Variants in STX7 observed in about 807,000 individuals in gnomAD.
STX7 encodes the protein syntaxin 7, also known as syntaxin-7.
STX7 carries 34 observed loss-of-function variants against 39.6 expected under a neutral mutation model. That is an observed-to-expected ratio of 0.86 (90% CI 0.65 to 1.14). The LOEUF is 1.14. STX7 is among the 50% of genes most tolerant of loss of function. STX7 has a pLI of 0.00. For synonymous variants in STX7, 119 were observed against 99.1 expected (o/e 1.20, Z -1.19); for missense variants, 284 against 310.4 (o/e 0.92, Z 0.64).
At chr6:132,467,514 A>T (rs1357298081) in intron 8 of STX7, among the ~76,000 whole-genome samples, 4 of 152,112 alleles carry the variant, frequency 2.6e-5, no homozygotes, top group African/African-American at 9.7e-5. Flanking sequence ...CTCCCATTAT[A>T]AGATCAATTG....
intron 2 of STX7, among the ~76,000 whole-genome samples, chr6:132,494,193 T>C (rs1250511237): frequency 6.6e-6 from 1 of 152,042 alleles, no homozygotes; most frequent in East Asian, 1.9e-4. Flanking sequence ...AATCATTTAA[T>C]GGCATAACCA....
chr6:132,511,577 A>G (rs1469895731), intron 1 of STX7, among the ~76,000 whole-genome samples: 1 of 152,236 alleles, frequency 6.6e-6, no homozygotes, highest in Non-Finnish European at 1.5e-5. Flanking sequence ...CATCCTGTGT[A>G]ATCTACAGTG....
chr6:132,488,250 T>C (rs1399003807), intron 2 of STX7, among the ~76,000 whole-genome samples: 4 of 152,240 alleles, frequency 2.6e-5, no homozygotes, highest in African/African-American at 9.6e-5. Flanking sequence ...GAATATTATC[T>C]TGTATGACTT....
rs148969421 is a variant in STX7, at chr6:132,491,936, C to T, written c.85+11510G>A. Among the ~76,000 whole-genome samples, 592 of 152,274 alleles carry T rather than the reference C, an allele frequency of 3.9e-3. 3 individuals carry two copies. Among genetic ancestry groups the T allele is most frequent in the African/African-American group, 0.013 (548 of 41,544 alleles). On this transcript the variant is annotated intron_variant, in intron 2 of 9. Transcript: ENST00000367941. ...GAGTCAGTCCATATCCAGACTCTTG[C>T]ATATATCTTAAGCCCCTCTCTCCCT...
chr6:132,495,644 C>T (rs1202186350), intron 2 of STX7, among the ~76,000 whole-genome samples: 1 of 150,990 alleles, frequency 6.6e-6, no homozygotes, highest in African/African-American at 2.4e-5. Context: ...TTTGCCCTGG[C>T]ACCAAAAAAA....
chr6:132,463,137 G>A (rs1774458865), intron 9 of STX7, among the ~76,000 whole-genome samples: 1 of 152,028 alleles, frequency 6.6e-6, no homozygotes, highest in Non-Finnish European at 1.5e-5. Context: ...TCAGCCAGGA[G>A]GCAGAGGTTG....
chr6:132,497,401 C>T (rs2842889), intron 2 of STX7, among the ~76,000 whole-genome samples: 122,697 of 152,126 alleles, frequency 0.81, 49,736 homozygotes, highest in Middle Eastern at 0.93. Context: ...TGGTTATCTC[C>T]GAAGGGCATG....
intron 4 of STX7, 143 bp from the exon 5 acceptor site, chr6:132,471,743 C>T: frequency 1.1e-6 from 1 of 919,172 alleles, no homozygotes; most frequent in Non-Finnish European, 1.6e-6. Context: ...CAGTAACATT[C>T]TGATAGTATG....
intron 2 of STX7, among the ~76,000 whole-genome samples, chr6:132,479,931 A>G (rs1398202768): frequency 6.6e-6 from 1 of 152,198 alleles, no homozygotes; most frequent in Non-Finnish European, 1.5e-5. Flanking sequence ...AAAGTAAACT[A>G]GTGATGTGCC....
intron 1 of STX7, among the ~76,000 whole-genome samples, chr6:132,508,890 A>G (rs1775771834): frequency 6.6e-6 from 1 of 152,152 alleles, no homozygotes; most frequent in East Asian, 1.9e-4. Flanking sequence ...AAAGTTAACA[A>G]TGGCCAACAC....
At chr6:132,488,407 T>C (rs1468718376) in intron 2 of STX7, among the ~76,000 whole-genome samples, 1 of 152,236 alleles carries the variant, frequency 6.6e-6, no homozygotes, top group Non-Finnish European at 1.5e-5. Flanking sequence ...TCAAGGTGAT[T>C]AGTACTTTGA....
At chr6:132,476,501 A>G (rs1774878525) in intron 2 of STX7, among the ~76,000 whole-genome samples, 1 of 152,154 alleles carries the variant, frequency 6.6e-6, no homozygotes, top group Non-Finnish European at 1.5e-5. Context: ...TAAGGAATTA[A>G]AATACCCAAA....
rs74647435 is a variant in STX7 at position 132,498,088 on chromosome 6, G to T, written c.85+5358C>A. Among the ~76,000 whole-genome samples the T allele has an allele frequency of 2.0e-5, 3 of 152,136 alleles. No homozygotes were observed. The East Asian group carries it at 5.8e-4, about 29-fold the overall frequency. On this transcript the variant is annotated intron_variant, in intron 2 of 9. Transcript: ENST00000367941. ...TGCCATGGGTAAAAGATGGAGCATG[G>T]GTGGCACAAGGGCCTTGTTGACTGT...
intron 2 of STX7, among the ~76,000 whole-genome samples, chr6:132,493,399 ATGT>A (rs1342536186): frequency 6.6e-6 from 1 of 152,120 alleles, no homozygotes; most frequent in Non-Finnish European, 1.5e-5. Flanking sequence ...CAACTCCCAC[ATGT>A]TGTGAGAGGG....
At chr6:132,504,096 T>C (rs1451116612) in intron 1 of STX7, among the ~76,000 whole-genome samples, 1 of 152,202 alleles carries the variant, frequency 6.6e-6, no homozygotes, top group Non-Finnish European at 1.5e-5. Context: ...GTTTTTACCA[T>C]TACTTTTAAT....
At chr6:132,500,528 G>C (rs1775532558) in intron 2 of STX7, among the ~76,000 whole-genome samples, 1 of 152,136 alleles carries the variant, frequency 6.6e-6, no homozygotes, top group South Asian at 2.1e-4. Context: ...AGTAAAGGTA[G>C]CTTCCCCAGT....
At chr6:132,509,449 C>T (rs9402419) in intron 1 of STX7, among the ~76,000 whole-genome samples, 1,648 of 31,360 alleles carry the variant, frequency 0.053, 28 homozygotes, top group Admixed American at 0.14. Flanking sequence ...AGACTCGTCT[C>T]AAAATAACAT....
intron 2 of STX7, among the ~76,000 whole-genome samples, chr6:132,499,224 C>A (rs1018904749): frequency 1.3e-5 from 2 of 152,196 alleles, no homozygotes; most frequent in African/African-American, 4.8e-5. Flanking sequence ...TTTCTTTGAT[C>A]CTCTTTCTAC....
At chr6:132,492,590 G>A (rs569453299) in intron 2 of STX7, among the ~76,000 whole-genome samples, 1 of 152,190 alleles carries the variant, frequency 6.6e-6, no homozygotes, top group South Asian at 2.1e-4. Context: ...ACAATATACA[G>A]CATGATCCAA....
Sources: gnomAD v4.1 joint callset for allele counts (sites outside exome capture counted in the v4.1 genomes callset) on GRCh38, gnomAD v4.1.1 for gene constraint, MANE v1.5 for transcripts, NCBI Gene and HGNC (gene_info 2026-07-23, HGNC 2026-07-21) for gene names.